LIPE: variants seen among roughly 807,000 people sequenced by gnomAD.
The protein encoded by LIPE is lipase E, hormone sensitive type.
LIPE carries 66 observed loss-of-function variants against 88.5 expected under a neutral mutation model. That is an observed-to-expected ratio of 0.75 (90% CI 0.61 to 0.91). The LOEUF (loss-of-function observed/expected upper bound fraction) is 0.91, where lower values mean the gene tolerates loss of function less well. Among genes scored for constraint, LIPE ranks in the 40% least tolerant of loss-of-function variants. LIPE has a pLI of 0.00. For missense variants in LIPE, 1,346 were observed against 1,434.7 expected (o/e 0.94, Z 1.00); for synonymous variants, 570 against 617.5 (o/e 0.92, Z 1.14).
In LIPE at chr19:42,407,069, G is replaced by T. The variant is rs35401050; in HGVS notation, c.2137+105C>A. 2.1e-5 allele frequency: 21 copies of T among 998,398 alleles called. No homozygotes were observed. Among genetic ancestry groups the T allele is most frequent in the South Asian group, 5.2e-5 (3 of 58,240 alleles). 61.8% of individuals were successfully genotyped at this position (998,398 alleles called of 1,614,324 possible). ...TGGGTGAGCAGGAGCTGGGAGGTGT[G>T]GGGGGAGAGAAAGGTAGAGGGTGTG... On this transcript the variant is annotated intron_variant, in intron 6 of 9. Coordinates refer to ENST00000244289, the MANE Select transcript of LIPE (RefSeq NM_005357.4). The surrounding 1 kb of genome is among the most constrained non-coding windows in gnomAD (Gnocchi z 5.8).
rs377459162 is a variant in LIPE, at chr19:42,405,475, G to A, written c.2452C>T (p.Arg818Ter). The A allele has an allele frequency of 1.5e-5, 25 of 1,613,968 alleles. No individual in the cohort carries two copies. Among genetic ancestry groups the A allele is most frequent in the Non-Finnish European group, 1.8e-5 (21 of 1,179,972 alleles). The change falls in exon 8 of 10, where the codon CGA (arginine) becomes TGA (stop). Residue 818 changes from arginine to a stop codon, truncating the protein, a stop_gained. Transcript: ENST00000244289. LOFTEE classifies it high-confidence loss of function. ...LVRRDTALLLRDFRLGASSWL... is the reference protein window; with the variant it reads ...LVRRDTALLL ...GAGGAGGCACCCAGGCGGAAGTCTC[G>A]GAGGAGCAGGGCTGTGTCCCGCCGC...
At position 42,401,940 on chromosome 19, in the gene LIPE, C is replaced by A. The variant is rs766817317; in HGVS notation, c.3103G>T (p.Glu1035Ter). ...CACAGCTCTGCGGCCTGGCGCGTCT[C>A]GCGGCACAGCGCCGCTAGGGTCAGG... ...GFLTLAALCR[E>*]TRQAAELCVE... Residue 1035 changes from glutamate to a stop codon, truncating the protein, a stop_gained, in exon 10 of 10, where the codon GAG (glutamate) becomes TAG (stop). Transcript: ENST00000244289. LOFTEE classifies it low-confidence loss of function (END_TRUNC). The A allele has an allele frequency of 6.4e-7, 1 of 1,555,580 alleles. No homozygotes were observed. Among genetic ancestry groups the A allele is most frequent in the Non-Finnish European group, 8.7e-7 (1 of 1,154,952 alleles).
chr19:42,412,191 T>TCAC (rs1195994439), intron 1 of LIPE: 2 of 813,918 alleles, frequency 2.5e-6, no homozygotes, highest in African/African-American at 3.7e-5. Context: ...GGATGCCCTG[T>TCAC]CACCCAGGTC....
In LIPE at chr19:42,407,936, T is replaced by C. The variant is rs2040240862; in HGVS notation, c.1656+40A>G. ...GAGACCTACTGTGGCCTCAGATGAG[T>C]CTCTGGGCCTCAGTGTCCCCATCTG... On this transcript the variant is annotated intron_variant, in intron 4 of 9. Coordinates refer to ENST00000244289, the MANE Select transcript of LIPE (RefSeq NM_005357.4). This position sits in a 1 kb window ranked among gnomAD's most constrained non-coding sequence, Gnocchi z 5.8. The C allele has an allele frequency of 1.9e-6, 3 of 1,598,150 alleles. No individual in the cohort carries two copies. Among genetic ancestry groups the C allele is most frequent in the Non-Finnish European group, 2.6e-6 (3 of 1,174,074 alleles).
chr19:42,424,139 G>A, intron 1 of LIPE: 1 of 1,198,226 alleles, frequency 8.3e-7, no homozygotes, highest in Non-Finnish European at 1.1e-6. Context: ...TTCTCCTATT[G>A]CGCTTTTCCT....
chr19:42,404,073 T>TC (rs2040087424), intron 8 of LIPE, among the ~76,000 whole-genome samples: 1 of 151,352 alleles, frequency 6.6e-6, no homozygotes, highest in Non-Finnish European at 1.5e-5. Flanking sequence ...TACTTTTTTT[T>TC]TTTTTTTTTG....
At chr19:42,412,857 G>C (rs913016848) in intron 1 of LIPE, among the ~76,000 whole-genome samples, 1 of 152,206 alleles carries the variant, frequency 6.6e-6, no homozygotes, top group African/African-American at 2.4e-5. Flanking sequence ...CAGCTGTTGG[G>C]GGGAGAGAGG....
intron 1 of LIPE, among the ~76,000 whole-genome samples, chr19:42,418,986 T>C (rs1366657109): frequency 6.6e-6 from 1 of 151,994 alleles, no homozygotes; most frequent in African/African-American, 2.4e-5. Flanking sequence ...TCTTTTAAGA[T>C]GAGGAGTGGG....
intron 1 of LIPE, among the ~76,000 whole-genome samples, chr19:42,418,367 C>T (rs760925676): frequency 9.9e-5 from 15 of 152,270 alleles, no homozygotes; most frequent in Admixed American, 3.3e-4. Context: ...GTGAGTGAAT[C>T]GAAGCAGAAA....
In LIPE at chr19:42,402,835, T is replaced by C. The variant is rs1412092899; in HGVS notation, c.2739A>G (p.Leu913=). ...CCTCTTCCCCTGCATCCTCAGGTGG[T>C]AATAAGAAGTTGACATCGGAGGGTG... The part of the protein sequence containing the change: ...PSTPSDVNFL[L]PPEDAGEEAE... Residue 913 remains leucine (L), a synonymous_variant, in exon 9 of 10, where the codon TTA becomes TTG. Transcript: ENST00000244289. 1.2e-6 allele frequency: 2 copies of C among 1,613,570 alleles called. No individual in the cohort carries two copies. The highest frequency in any genetic ancestry group is 1.1e-5 in the South Asian group (1 of 90,970).
Position 42,410,467 on chromosome 19 carries a change from G to A in LIPE, c.1259C>T (p.Thr420Ile). ...AELEAYLAAL[T>I]QLRALVYYAQ... ...GTAGTAGACCAGAGCGCGGAGCTGG[G>A]TGAGGGCAGCCAGGTAGGCCTCCAG... Residue 420 changes from threonine to isoleucine, a missense_variant, in exon 2 of 10, where the codon ACC becomes ATC. Coordinates refer to ENST00000244289, the MANE Select transcript of LIPE (RefSeq NM_005357.4). The surrounding 1 kb of genome is among the most constrained non-coding windows in gnomAD (Gnocchi z 6.1). 1.2e-6 allele frequency: 2 copies of A among 1,614,092 alleles called. No homozygotes were observed. The highest frequency in any genetic ancestry group is 1.7e-5 in the Admixed American group (1 of 60,028).
intron 1 of LIPE, chr19:42,412,173 T>A: frequency 1.6e-6 from 1 of 615,248 alleles, no homozygotes; most frequent in East Asian, 1.4e-4. Context: ...CAGGCTGCCC[T>A]GTTTCTTGGA....
rs2040322510 is a variant in LIPE, at chr19:42,410,013, CAA to C, written c.1419+292_1419+293del. Among the ~76,000 whole-genome samples the C allele has an allele frequency of 6.6e-6, 1 of 152,126 alleles. No homozygotes were observed. Among genetic ancestry groups the C allele is most frequent in the Non-Finnish European group, 1.5e-5 (1 of 68,006 alleles). ...GTGACTTCAGGGGCCAGACAGGTAA[CAA>C]AGAGTGAATACATCTCTTGCATGTA... On this transcript the variant is annotated intron_variant, in intron 2 of 9. Coordinates refer to ENST00000244289, the MANE Select transcript of LIPE (RefSeq NM_005357.4). This position sits in a 1 kb window ranked among gnomAD's most constrained non-coding sequence, Gnocchi z 6.1.
intron 1 of LIPE, among the ~76,000 whole-genome samples, chr19:42,421,230 T>G (rs2040592265): frequency 1.3e-5 from 2 of 152,092 alleles, no homozygotes; most frequent in African/African-American, 4.8e-5. Context: ...GCCTGCCCTG[T>G]TTCCTCTTCC....
At position 42,407,373 on chromosome 19, in the gene LIPE, CAG is replaced by C; in HGVS notation, c.1936_1937del (p.Leu646AspfsTer42). 1 of 1,613,530 alleles carries C rather than the reference CAG, an allele frequency of 6.2e-7. No homozygotes were observed. ...RPQQAPRSRSLIVHFHGGGFV... is the reference protein window; with the variant it reads ...RPQQAPRSRSXIVHFHGGGFV... ...AGCCACCGCCGTGGAAGTGCACTAT[CAG>C]GGACCGCGAGCGGGGTGCCTGCTGG... On this transcript the variant is annotated frameshift_variant, in exon 6 of 10. Transcript: ENST00000244289. LOFTEE classifies it high-confidence loss of function. This position sits in a 1 kb window ranked among gnomAD's most constrained non-coding sequence, Gnocchi z 5.8.
intron 1 of LIPE, chr19:42,412,486 A>T: frequency 1.0e-6 from 1 of 985,828 alleles, no homozygotes; most frequent in Non-Finnish European, 1.2e-6. Flanking sequence ...TAGCCGCACA[A>T]GCCACCTCCC....
At position 42,410,583 on chromosome 19, in the gene LIPE, G is replaced by A; in HGVS notation, c.1143C>T (p.Arg381=). ...TGTGCAGGAGGTGCGCCAGGCAGCA[G>A]CGGGCTGTGTGCACTAGGCTGCGGT... is the stretch of plus-strand genomic sequence containing the variant. ...NGYRSLVHTA[R]CCLAHLLHKS... is the part of the protein sequence containing the mutation. The change falls in exon 2 of 10, where the codon CGC becomes CGT. Residue 381 remains arginine (R), a synonymous_variant. Transcript: ENST00000244289. The surrounding 1 kb of genome is among the most constrained non-coding windows in gnomAD (Gnocchi z 6.1). 1 of 1,613,246 alleles carries A rather than the reference G, an allele frequency of 6.2e-7. No individual in the cohort carries two copies. The highest frequency in any genetic ancestry group is 1.7e-5 in the Admixed American group (1 of 60,008).
At chr19:42,423,636 C>T (rs2040648000) in intron 1 of LIPE, 1 of 1,174,046 alleles carries the variant, frequency 8.5e-7, no homozygotes, top group Non-Finnish European at 1.1e-6. Flanking sequence ...CCCCTATTAC[C>T]CAATCCCGAG....
rs1407912507 is a variant in LIPE, at chr19:42,402,251, G to A, written c.2968-176C>T. On this transcript the variant is annotated intron_variant, in intron 9 of 9. Transcript: ENST00000244289. Reference sequence around the variant, plus strand: ...TTGGGGAGAGAATGGAGGGAATGGGGGGAGTTGTGGGAAGGATGGGAGAAT... The same window carrying A: ...TTGGGGAGAGAATGGAGGGAATGGGAGGAGTTGTGGGAAGGATGGGAGAAT... 2.0e-5 allele frequency among the ~76,000 whole-genome samples: 3 copies of A among 152,056 alleles called. No individual in the cohort carries two copies. The East Asian group carries it at 5.8e-4, about 29-fold the overall frequency.
Sources: gnomAD v4.1 joint callset for allele counts (sites outside exome capture counted in the v4.1 genomes callset) on GRCh38, gnomAD v4.1.1 for gene constraint, Gnocchi (gnomAD v3.1) non-coding constraint, MANE v1.5 for transcripts, NCBI Gene and HGNC (gene_info 2026-07-23, HGNC 2026-07-21) for gene names.